The following HCN1 variants were observed in gnomAD, a reference collection of about 807,000 sequenced individuals.
HCN1 encodes potassium/sodium hyperpolarization-activated cyclic nucleotide-gated channel 1.
In HCN1, 13 loss-of-function variants were observed where a neutral mutation model predicts 78.9. That is an observed-to-expected ratio of 0.16 (90% confidence interval 0.11 to 0.26). The LOEUF is 0.26. HCN1 is among the 10% of genes least tolerant of loss of function. HCN1 has a pLI of 1.00. For synonymous variants in HCN1, 552 were observed against 455.5 expected (o/e 1.21, Z -2.70); for missense variants, 810 against 1,154.3 (o/e 0.70, Z 4.32).
At chr5:45,297,785 G>A (rs1242239110) in intron 6 of HCN1, among the ~76,000 whole-genome samples, 1 of 151,974 alleles carries the variant, frequency 6.6e-6, no homozygotes, top group African/African-American at 2.4e-5. Context: ...AGGCATGCAA[G>A]GCTGGTTCAA....
At chr5:45,586,198 G>A (rs1314560058) in intron 2 of HCN1, among the ~76,000 whole-genome samples, 2 of 152,128 alleles carry the variant, frequency 1.3e-5, no homozygotes, top group Non-Finnish European at 2.9e-5. Flanking sequence ...TGGCCACTTT[G>A]TTTACCTACT....
At chr5:45,392,646 G>T (rs886799180) in intron 4 of HCN1, among the ~76,000 whole-genome samples, 3 of 151,968 alleles carry the variant, frequency 2.0e-5, no homozygotes, top group Non-Finnish European at 4.4e-5. Flanking sequence ...AGACCAGCCT[G>T]GCCAACATGG....
Position 45,525,927 on chromosome 5 carries a change from T to C in HCN1, c.850-63920A>G, listed in dbSNP as rs893654012. ...AGGTGATAGAGCCCTCATAATGGGA[T>C]TAGTGTCCTTATAAGAAAAGAAGGA... On this transcript the variant is annotated intron_variant, in intron 2 of 7. Coordinates refer to ENST00000303230, the MANE Select transcript of HCN1 (RefSeq NM_021072.4). Among the ~76,000 whole-genome samples the C allele has an allele frequency of 2.6e-5, 4 of 151,972 alleles. No homozygotes were observed. In the South Asian group the frequency reaches 8.3e-4, roughly 32 times the overall value.
chr5:45,448,829 G>A (rs1297982658), intron 3 of HCN1, among the ~76,000 whole-genome samples: 1 of 152,096 alleles, frequency 6.6e-6, no homozygotes, highest in African/African-American at 2.4e-5. Flanking sequence ...AATAAAAATT[G>A]TTGGTCAGGC....
At chr5:45,445,839 A>C (rs763056029) in intron 3 of HCN1, among the ~76,000 whole-genome samples, 1 of 152,182 alleles carries the variant, frequency 6.6e-6, no homozygotes, top group Non-Finnish European at 1.5e-5. Context: ...TGTCTGTTAG[A>C]AGGAAAACTA....
intron 1 of HCN1, among the ~76,000 whole-genome samples, chr5:45,671,540 T>C (rs1292469536): frequency 4.0e-5 from 6 of 151,542 alleles, no homozygotes; most frequent in African/African-American, 1.2e-4. Context: ...CATGGTTACA[T>C]ATAGTTGCAA....
At chr5:45,512,268 T>C (rs1255885003) in intron 2 of HCN1, among the ~76,000 whole-genome samples, 1 of 152,140 alleles carries the variant, frequency 6.6e-6, no homozygotes, top group Non-Finnish European at 1.5e-5. Context: ...AACACTGTAA[T>C]GTCTTCTGAA....
At chr5:45,474,557 T>G (rs1741474005) in intron 2 of HCN1, among the ~76,000 whole-genome samples, 1 of 151,910 alleles carries the variant, frequency 6.6e-6, no homozygotes, top group African/African-American at 2.4e-5. Context: ...GATGCCACCA[T>G]CCTGGTTAAA....
At chr5:45,264,698 G>A (rs1010923386) in intron 7 of HCN1, among the ~76,000 whole-genome samples, 2 of 151,984 alleles carry the variant, frequency 1.3e-5, no homozygotes, top group Admixed American at 6.5e-5. Context: ...CCACAAAACC[G>A]AGAAGCATAA....
intron 1 of HCN1, among the ~76,000 whole-genome samples, chr5:45,645,958 T>A (rs1233861525): frequency 6.6e-6 from 1 of 152,000 alleles, no homozygotes; most frequent in Non-Finnish European, 1.5e-5. Context: ...GAAAGAAGTA[T>A]AAGATTAGAA....
intron 5 of HCN1, among the ~76,000 whole-genome samples, chr5:45,305,536 C>T (rs1035030952): frequency 2.0e-5 from 3 of 152,022 alleles, no homozygotes; most frequent in Non-Finnish European, 4.4e-5. Flanking sequence ...CTTGAGTCCA[C>T]GATTGGCTGT....
At chr5:45,521,821 C>T (rs887468931) in intron 2 of HCN1, among the ~76,000 whole-genome samples, 1 of 151,862 alleles carries the variant, frequency 6.6e-6, no homozygotes, top group Non-Finnish European at 1.5e-5. Flanking sequence ...GATACAGCTC[C>T]ACAGTTTTCA....
At chr5:45,509,681 T>C (rs1742372417) in intron 2 of HCN1, among the ~76,000 whole-genome samples, 1 of 152,180 alleles carries the variant, frequency 6.6e-6, no homozygotes, top group Non-Finnish European at 1.5e-5. Flanking sequence ...AGAGACGGGC[T>C]ACGTTGGAGC....
intron 2 of HCN1, among the ~76,000 whole-genome samples, chr5:45,556,604 TTAA>T (rs1400328124): frequency 1.3e-5 from 2 of 151,898 alleles, no homozygotes; most frequent in Non-Finnish European, 2.9e-5. Flanking sequence ...CCATTCCTAT[TTAA>T]TAATGTTTCA....
rs568032585 is a variant in HCN1, at chr5:45,343,845, C to CA, written c.1377+9254dup. On this transcript the variant is annotated intron_variant, in intron 5 of 7. Transcript: ENST00000303230. ...AGAAATGTTGCAGTGTTAAAGAAGC[C>CA]AAAAAAAAATTAAAAATAAAAAAAA... Among the ~76,000 whole-genome samples, 54 of 146,448 alleles carry CA rather than the reference C, an allele frequency of 3.7e-4. No individual in the cohort carries two copies. In the East Asian group the frequency reaches 5.6e-3, roughly 15 times the overall value.
chr5:45,519,303 C>CT (rs1353338681), intron 2 of HCN1, among the ~76,000 whole-genome samples: 1 of 151,964 alleles, frequency 6.6e-6, no homozygotes, highest in Non-Finnish European at 1.5e-5. Flanking sequence ...CTGAGAGAAG[C>CT]TTGTGGATCC....
At chr5:45,298,117 C>T (rs892353195) in intron 6 of HCN1, among the ~76,000 whole-genome samples, 1 of 151,964 alleles carries the variant, frequency 6.6e-6, no homozygotes, top group African/African-American at 2.4e-5. Context: ...AAATTTAATA[C>T]CCAATATGGC....
intron 2 of HCN1, among the ~76,000 whole-genome samples, chr5:45,499,459 C>T (rs1177548875): frequency 7.2e-5 from 11 of 152,138 alleles, no homozygotes; most frequent in East Asian, 5.8e-4. Flanking sequence ...GTGCACGGTG[C>T]GTGGACCCAC....
At chr5:45,443,881 T>C (rs1003100654) in intron 3 of HCN1, among the ~76,000 whole-genome samples, 10 of 152,106 alleles carry the variant, frequency 6.6e-5, no homozygotes, top group Non-Finnish European at 1.0e-4. Context: ...AAAACGTCTA[T>C]GGTTTATGAA....
Sources: allele counts gnomAD v4.1 joint callset (sites outside exome capture counted in the v4.1 genomes callset), GRCh38; gene constraint gnomAD v4.1.1; transcripts MANE v1.5; gene names NCBI Gene and HGNC (gene_info 2026-07-23, HGNC 2026-07-21).